AOX1: variants seen among roughly 807,000 people sequenced by gnomAD.
AOX1 encodes the protein aldehyde oxidase.
In AOX1, 153 loss-of-function variants were observed where a neutral mutation model predicts 169.5. That is an observed-to-expected ratio of 0.90 (90% CI 0.79 to 1.03). The LOEUF (loss-of-function observed/expected upper bound fraction) is 1.03, where lower values mean the gene tolerates loss of function less well. Ranked by LOEUF, AOX1 falls within the 50% of genes least tolerant of loss-of-function variation. The pLI is 0.00. For synonymous variants in AOX1, 562 were observed against 581.9 expected (o/e 0.97, Z 0.49); for missense variants, 1,656 against 1,663.9 (o/e 1.00, Z 0.08).
At chr2:200,675,269 A>G (rs2036079723), downstream of AOX1, among the ~76,000 whole-genome samples, 1 of 152,232 alleles carries the variant, frequency 6.6e-6, no homozygotes, top group Non-Finnish European at 1.5e-5. Flanking sequence ...GTTGGTACCT[A>G]TTGTATATAA....
intron 9 of AOX1, 49 bp from the exon 10 acceptor site, chr2:200,605,487 G>A (rs761460806): frequency 3.7e-5 from 33 of 899,972 alleles, no homozygotes; most frequent in Admixed American, 1.1e-4. Flanking sequence ...AAGGCAGTTA[G>A]TTCCTTTATT....
chr2:200,659,786 TCACACACACACACACACA>T (rs56916091), intron 28 of AOX1, among the ~76,000 whole-genome samples, 191 bp from the exon 29 acceptor site: 125 of 96,216 alleles, frequency 1.3e-3, no homozygotes, highest in African/African-American at 4.6e-3. Flanking sequence ...GTTCTCTCTC[TCACACACACACACACACA>T]CACACACACA....
At chr2:200,590,735 T>G (rs2034151707) in intron 1 of AOX1, among the ~76,000 whole-genome samples, 1 of 152,226 alleles carries the variant, frequency 6.6e-6, no homozygotes, top group Admixed American at 6.5e-5. Flanking sequence ...AAAATGCTAT[T>G]CTTTACTAAC....
chr2:200,600,457 A>G (rs984060933), intron 5 of AOX1, among the ~76,000 whole-genome samples: 1 of 136,704 alleles, frequency 7.3e-6, no homozygotes, highest in African/African-American at 2.7e-5. Context: ...CAAGTTCAGG[A>G]GCTCAGTGTG....
chr2:200,612,999 TGTGC>T (rs2034672730), intron 14 of AOX1, among the ~76,000 whole-genome samples: 1 of 115,004 alleles, frequency 8.7e-6, no homozygotes, highest in African/African-American at 3.5e-5. Context: ...ATATACTCTG[TGTGC>T]GTGTGTGTGT....
intron 24 of AOX1, among the ~76,000 whole-genome samples, chr2:200,642,357 T>C (rs2035368276): frequency 6.6e-6 from 1 of 152,138 alleles, no homozygotes; most frequent in African/African-American, 2.4e-5. Context: ...TTTGTATATA[T>C]TTGAAATCTT....
At position 200,644,516 on chromosome 2, in the gene AOX1, T is replaced by C. The variant is rs115409374; in HGVS notation, c.2847+1715T>C. Among the ~76,000 whole-genome samples the C allele has an allele frequency of 5.9e-3, 905 of 152,348 alleles. 9 individuals carry two copies. The highest frequency in any genetic ancestry group is 0.017 in the African/African-American group (700 of 41,590). ...CCAGATTTGTTCTCTTTGCTTACTCTTGCTTTGGCTATGCGGGCTCTTTTT... is the reference window on the plus strand; with the variant it reads ...CCAGATTTGTTCTCTTTGCTTACTCCTGCTTTGGCTATGCGGGCTCTTTTT... On this transcript the variant is annotated intron_variant, in intron 25 of 34. Coordinates refer to ENST00000374700, the MANE Select transcript of AOX1 (RefSeq NM_001159.4).
At position 200,668,746 on chromosome 2, in the gene AOX1, GT is replaced by G; in HGVS notation, c.3743del (p.Leu1248CysfsTer40). On this transcript the variant is annotated frameshift_variant, in exon 33 of 35. Transcript: ENST00000374700. LOFTEE classifies it high-confidence loss of function. The stretch of plus-strand genomic sequence containing the variant: ...CTGCCATCTGTGACATGCCCACGGA[GT>G]TGCACATTGCTTTGTTGCCTCCTTC... ...IPAICDMPTE[L>X]HIALLPPSQN... is the part of the protein sequence containing the mutation. The G allele has an allele frequency of 6.2e-7, 1 of 1,614,160 alleles. No individual in the cohort carries two copies. The highest frequency in any genetic ancestry group is 8.5e-7 in the Non-Finnish European group (1 of 1,180,030).
chr2:200,634,143 G>T (rs1032047173), intron 20 of AOX1, among the ~76,000 whole-genome samples: 1 of 149,148 alleles, frequency 6.7e-6, no homozygotes, highest in African/African-American at 2.5e-5. Flanking sequence ...TTTGGCTAGG[G>T]AGAGTGGGCT....
chr2:200,643,398 C>T (rs10179743), intron 25 of AOX1, among the ~76,000 whole-genome samples: 6 of 148,788 alleles, frequency 4.0e-5, no homozygotes, highest in African/African-American at 5.0e-5. Context: ...CACACACACA[C>T]ATATATATAT....
chr2:200,641,287 G>C (rs1007029653), intron 24 of AOX1, 103 bp downstream of exon 24: 4 of 799,234 alleles, frequency 5.0e-6, no homozygotes, highest in Non-Finnish European at 8.2e-6. Flanking sequence ...GATTATAAAG[G>C]TATAATGACC....
Position 200,671,478 on chromosome 2 carries a change from A to G in AOX1, c.*799A>G, listed in dbSNP as rs1204984784. ...ATGCATAAATATTATGTATCAATAA[A>G]ATTTTTTAATGGGCAAAGGATTTGA... On this transcript the variant is annotated 3_prime_UTR_variant, in exon 35 of 35. Transcript: ENST00000374700. The G allele has an allele frequency of 6.6e-6, 1 of 152,234 alleles. No individual in the cohort carries two copies. The highest frequency in any genetic ancestry group is 1.5e-5 in the Non-Finnish European group (1 of 68,028). The allele number at this position is 152,234 out of a possible 1,614,324, so 9.4% of individuals were successfully genotyped here. A position where few individuals can be genotyped will look rare whatever the true frequency, so the allele number is the denominator to read the frequency against.
intron 23 of AOX1, among the ~76,000 whole-genome samples, chr2:200,639,294 TG>T (rs1197920270): frequency 1.3e-5 from 2 of 152,198 alleles, no homozygotes; most frequent in East Asian, 3.9e-4. Flanking sequence ...GAGCATGGAG[TG>T]TCACCTGGTA....
chr2:200,646,318 CA>C (rs1340417420), intron 25 of AOX1, among the ~76,000 whole-genome samples: 1 of 152,114 alleles, frequency 6.6e-6, no homozygotes, highest in Non-Finnish European at 1.5e-5. Flanking sequence ...ATTTTTGACC[CA>C]ATGCTCATTC....
At chr2:200,607,481 G>T (rs1027462882) in intron 10 of AOX1, among the ~76,000 whole-genome samples, 1 of 152,184 alleles carries the variant, frequency 6.6e-6, no homozygotes, top group East Asian at 1.9e-4. Flanking sequence ...ATGCTGGCAA[G>T]GCTGTGGAGA....
downstream of AOX1, among the ~76,000 whole-genome samples, chr2:200,681,731 T>C (rs2036153863): frequency 1.3e-5 from 2 of 152,250 alleles, no homozygotes; most frequent in African/African-American, 4.8e-5. Flanking sequence ...GTTACATTCT[T>C]GGCACCATAT....
chr2:200,644,042 T>C (rs538305490), intron 25 of AOX1, among the ~76,000 whole-genome samples: 6 of 152,346 alleles, frequency 3.9e-5, no homozygotes, highest in African/African-American at 1.4e-4. Context: ...CTGTTCCTTT[T>C]GCCATGCAAA....
intron 30 of AOX1, among the ~76,000 whole-genome samples, chr2:200,661,854 T>A (rs914666154): frequency 4.6e-5 from 7 of 152,182 alleles, no homozygotes; most frequent in African/African-American, 1.4e-4. Flanking sequence ...GCACACAAAA[T>A]TCAGCTTAAC....
rs767719904 is a variant in AOX1, at chr2:200,641,087, C to G, written c.2569-11C>G. 2 of 1,610,540 alleles carry G rather than the reference C, an allele frequency of 1.2e-6. No individual in the cohort carries two copies. On this transcript the variant is annotated splice_polypyrimidine_tract_variant and intron_variant, in intron 23 of 34. Coordinates refer to ENST00000374700, the MANE Select transcript of AOX1 (RefSeq NM_001159.4). ...CCTGTTCCAGCATTCGATATCGGTTCTCTTCCCCAGGCTGGATTCATGAAC... is the reference window on the plus strand; with the variant it reads ...CCTGTTCCAGCATTCGATATCGGTTGTCTTCCCCAGGCTGGATTCATGAAC...
Sources: allele counts gnomAD v4.1 joint callset (sites outside exome capture counted in the v4.1 genomes callset), GRCh38; gene constraint gnomAD v4.1.1; transcripts MANE v1.5; gene names NCBI Gene and HGNC (gene_info 2026-07-23, HGNC 2026-07-21).